Variants in ZBTB21 observed in about 807,000 individuals in gnomAD.
ZBTB21 encodes zinc finger and BTB domain-containing protein 21.
In ZBTB21, 10 loss-of-function variants were observed where a neutral mutation model predicts 39.8. That is an observed-to-expected ratio of 0.25 (90% CI 0.16 to 0.43). The LOEUF (loss-of-function observed/expected upper bound fraction) is 0.43. Ranked by LOEUF, ZBTB21 falls within the 20% of genes least tolerant of loss-of-function variation. ZBTB21 has a pLI of 1.00. For missense variants in ZBTB21, 1,221 were observed against 1,296.3 expected (o/e 0.94, Z 0.89); for synonymous variants, 551 against 498.8 (o/e 1.10, Z -1.40).
rs928870370 is a variant in ZBTB21, at chr21:41,992,232, GCTTT to G, written c.1860_1863del (p.Arg620SerfsTer2). The G allele has an allele frequency of 6.2e-7, 1 of 1,613,970 alleles. No individual in the cohort carries two copies. The highest frequency in any genetic ancestry group is 1.3e-5 in the African/African-American group (1 of 74,880). ...TCTCTCTCTCTCACTATGTCAATCA[GCTTT>G]CTTTGGAATTTTTCATCCAAAACAG... is the stretch of plus-strand genomic sequence containing the variant. On this transcript the variant is annotated frameshift_variant, in exon 3 of 3. Coordinates refer to ENST00000310826, the MANE Select transcript of ZBTB21 (RefSeq NM_001098402.2). LOFTEE classifies it high-confidence loss of function. This position sits in a 1 kb window ranked among gnomAD's most constrained non-coding sequence, Gnocchi z 4.1.
rs756188749 is a variant in ZBTB21 at position 41,992,480 on chromosome 21, C to T, written c.1616G>A (p.Gly539Glu). ...LNKDEFGELE[G>E]TRPNKKFKCK... ...TTTAAATTTTTTGTTTGGTCTCGTC[C>T]CCTCCAACTCACCAAATTCGTCTTT... Residue 539 changes from glycine (G) to glutamate (E), a missense_variant, in exon 3 of 3, where the codon GGG becomes GAG. Around this residue, in one of 4 missense-constraint regions of ZBTB21, gnomAD observed 90 missense variants for 133.1 expected, o/e 0.68. Coordinates refer to ENST00000310826, the MANE Select transcript of ZBTB21 (RefSeq NM_001098402.2). This position sits in a 1 kb window ranked among gnomAD's most constrained non-coding sequence, Gnocchi z 4.1. 6.2e-7 allele frequency: 1 copy of T among 1,614,066 alleles called. No individual in the cohort carries two copies. The highest frequency in any genetic ancestry group is 2.2e-5 in the East Asian group (1 of 44,884).
intron 2 of ZBTB21, among the ~76,000 whole-genome samples, chr21:41,999,772 A>T (rs1336762203): frequency 1.3e-5 from 2 of 152,200 alleles, no homozygotes; most frequent in Non-Finnish European, 2.9e-5. Context: ...AGGCAACAGG[A>T]GGGATGGAGC....
In ZBTB21 at chr21:41,988,390, G is replaced by C. The variant is rs545680269; in HGVS notation, c.*2505C>G. On this transcript the variant is annotated 3_prime_UTR_variant, in exon 3 of 3. Transcript: ENST00000310826. ...TACATGAATATCTTCACTAGCTAAT[G>C]AGTTGCAACAATTTAAGACCAACTT... is the stretch of plus-strand genomic sequence containing the variant. 1 of 152,262 alleles carries C rather than the reference G, an allele frequency of 6.6e-6. No individual in the cohort carries two copies. Among genetic ancestry groups the C allele is most frequent in the Admixed American group, 6.5e-5 (1 of 15,294 alleles). 9.4% of individuals were successfully genotyped at this position (152,262 alleles called of 1,614,324 possible). A position where few individuals can be genotyped will look rare whatever the true frequency, so the allele number is the denominator to read the frequency against.
Position 41,993,868 on chromosome 21 carries a change from C to G in ZBTB21, c.228G>C (p.Glu76Asp). 1 of 1,613,998 alleles carries G rather than the reference C, an allele frequency of 6.2e-7. No individual in the cohort carries two copies. The change falls in exon 3 of 3, where the codon GAG becomes GAC. Residue 76 changes from glutamate (E) to aspartate (D), a missense_variant. Glu to Asp is a conservative substitution (Grantham distance 45, BLOSUM62 2). This residue lies in a region of ZBTB21 where 108 missense variants were observed against 155.0 expected (regional missense o/e 0.70). Coordinates refer to ENST00000310826, the MANE Select transcript of ZBTB21 (RefSeq NM_001098402.2). ...TTAAAACATTATCAAAAGCATCTGG[C>G]TCACAGAAGTCAAGCTGAAATACAG... ...SQTVFQLDFC[E>D]PDAFDNVLNY...
intron 2 of ZBTB21, among the ~76,000 whole-genome samples, chr21:41,999,802 G>GT (rs2065796194): frequency 1.3e-5 from 2 of 152,224 alleles, no homozygotes; most frequent in African/African-American, 4.8e-5. Flanking sequence ...TGGGAGCCAT[G>GT]TAAGATGACA....
rs573606034 is a variant in ZBTB21, at chr21:41,990,874, T to C, written c.*21A>G. 1.3e-5 allele frequency: 19 copies of C among 1,424,712 alleles called. No homozygotes were observed. In the African/African-American group the frequency reaches 2.0e-4, roughly 15 times the overall value. The allele number at this position is 1,424,712 out of a possible 1,614,324, so 88.3% of individuals were successfully genotyped here. A position where few individuals can be genotyped will look rare whatever the true frequency, so the allele number is the denominator to read the frequency against. On this transcript the variant is annotated 3_prime_UTR_variant, in exon 3 of 3. Coordinates refer to ENST00000310826, the MANE Select transcript of ZBTB21 (RefSeq NM_001098402.2). ...GTTGAAATCTGGGGACTGCCTCCCA[T>C]AGGTAAAAAGTGTTGGTCTTTCAAT...
chr21:41,993,526 A>G lies in ZBTB21; in HGVS notation c.570T>C (p.His190=), dbSNP rs1205813303. ...IAVKANTNKP[H]VPKPIEPLHN... is the part of the protein sequence containing the mutation. ...GAAGTGGTTCTATTGGTTTTGGGACATGTGGCTTATTGGTATTGGCCTTGA... is the reference window on the plus strand; with the variant it reads ...GAAGTGGTTCTATTGGTTTTGGGACGTGTGGCTTATTGGTATTGGCCTTGA... Residue 190 remains histidine, a synonymous_variant, in exon 3 of 3, where the codon CAT becomes CAC. Coordinates refer to ENST00000310826, the MANE Select transcript of ZBTB21 (RefSeq NM_001098402.2). 1 of 1,614,232 alleles carries G rather than the reference A, an allele frequency of 6.2e-7. No individual in the cohort carries two copies. The highest frequency in any genetic ancestry group is 1.7e-5 in the Admixed American group (1 of 60,028).
intron 2 of ZBTB21, among the ~76,000 whole-genome samples, chr21:41,994,858 T>TG (rs968104603): frequency 6.6e-6 from 1 of 152,164 alleles, no homozygotes; most frequent in African/African-American, 2.4e-5. Flanking sequence ...AACTGAATCA[T>TG]GGGGGTGGGT....
At chr21:42,009,834 C>G (rs1057399423) in intron 1 of ZBTB21, among the ~76,000 whole-genome samples, 5 of 152,128 alleles carry the variant, frequency 3.3e-5, no homozygotes, top group African/African-American at 1.2e-4. Flanking sequence ...GCCCCCAACC[C>G]CTGCCCGGAA....
In ZBTB21 at chr21:41,990,054, G is replaced by A. The variant is rs891276068; in HGVS notation, c.*841C>T. On this transcript the variant is annotated 3_prime_UTR_variant, in exon 3 of 3. Coordinates refer to ENST00000310826, the MANE Select transcript of ZBTB21 (RefSeq NM_001098402.2). ...CAATTTGTGACAGCATAAATCAGAG[G>A]AAATGAAATATGTGCAGTCCTTCAA... 1.8e-4 allele frequency: 27 copies of A among 152,154 alleles called. No homozygotes were observed. The highest frequency in any genetic ancestry group is 5.2e-4 in the Admixed American group (8 of 15,274). The allele number at this position is 152,154 out of a possible 1,614,324, so 9.4% of individuals were successfully genotyped here.
chr21:41,996,697 G>A (rs540336513), intron 2 of ZBTB21, among the ~76,000 whole-genome samples: 1 of 152,252 alleles, frequency 6.6e-6, no homozygotes, highest in East Asian at 1.9e-4. Flanking sequence ...GATTTGGGAG[G>A]GGCCCAGGGT....
rs1214487555 is a variant in ZBTB21 at position 41,993,535 on chromosome 21, A to T, written c.561T>A (p.Asn187Lys). The T allele has an allele frequency of 1.2e-6, 2 of 1,614,088 alleles. No homozygotes were observed. Among genetic ancestry groups the T allele is most frequent in the Non-Finnish European group, 1.7e-6 (2 of 1,180,050 alleles). ...CTATTGGTTTTGGGACATGTGGCTT[A>T]TTGGTATTGGCCTTGACTGCAATGC... ...SPSIAVKANT[N>K]KPHVPKPIEP... Residue 187 changes from asparagine (N) to lysine (K), a missense_variant, in exon 3 of 3, where the codon AAT becomes AAA. Physicochemically the swap from Asn to Lys is moderately conservative, Grantham distance 94 (BLOSUM62 0). This residue lies in a region of ZBTB21 where 500 missense variants were observed against 465.6 expected (regional missense o/e 1.07). Coordinates refer to ENST00000310826, the MANE Select transcript of ZBTB21 (RefSeq NM_001098402.2).
At chr21:42,001,457 C>A (rs541939910) in intron 2 of ZBTB21, among the ~76,000 whole-genome samples, 1 of 152,286 alleles carries the variant, frequency 6.6e-6, no homozygotes, top group East Asian at 1.9e-4. Context: ...AGGTCTTGTG[C>A]AGGAAGAGAA....
At position 41,992,785 on chromosome 21, in the gene ZBTB21, C is replaced by A; in HGVS notation, c.1311G>T (p.Leu437=). The A allele has an allele frequency of 6.2e-7, 1 of 1,614,134 alleles. No individual in the cohort carries two copies. The highest frequency in any genetic ancestry group is 8.5e-7 in the Non-Finnish European group (1 of 1,180,038). The change falls in exon 3 of 3, where the codon CTG becomes CTT. Residue 437 remains leucine (L), a synonymous_variant. Coordinates refer to ENST00000310826, the MANE Select transcript of ZBTB21 (RefSeq NM_001098402.2). This position sits in a 1 kb window ranked among gnomAD's most constrained non-coding sequence, Gnocchi z 4.1. ...CGCGGATGATGTCCGAGGGGTCCGA[C>A]AGCGGGCTGCTGGGCTCAGTCTTTA... ...VRIKTEPSSP[L]SDPSDIIRVT... is the part of the protein sequence containing the mutation.
rs1004653143 is a variant in ZBTB21, at chr21:42,010,256, C to G, written c.-83G>C. 2.5e-6 allele frequency: 1 copy of G among 398,316 alleles called. No homozygotes were observed. The highest frequency in any genetic ancestry group is 1.3e-4 in the South Asian group (1 of 7,840). The allele number at this position is 398,316 out of a possible 1,614,324, so 24.7% of individuals were successfully genotyped here. ...AGGGGCGTGACAGTTACTCACCGGT[C>G]TTCAGTCTCGAGGCAGACGCCGGGC... On this transcript the variant is annotated 5_prime_UTR_variant, in exon 1 of 3. Transcript: ENST00000310826.
chr21:41,987,879 A>C lies in ZBTB21; in HGVS notation c.*3016T>G, dbSNP rs1204742349. 2 of 151,954 alleles carry C rather than the reference A, an allele frequency of 1.3e-5. No individual in the cohort carries two copies. Among genetic ancestry groups the C allele is most frequent in the Non-Finnish European group, 2.9e-5 (2 of 67,982 alleles). The allele number at this position is 151,954 out of a possible 1,614,324, so 9.4% of individuals were successfully genotyped here. On this transcript the variant is annotated 3_prime_UTR_variant, in exon 3 of 3. Coordinates refer to ENST00000310826, the MANE Select transcript of ZBTB21 (RefSeq NM_001098402.2). ...ATTTTATTCCTGTTTCACAGCAGCT[A>C]CTCTCATTAGCACCAATGGGACTAC...
Position 41,988,327 on chromosome 21 carries a change from C to T in ZBTB21, c.*2568G>A, listed in dbSNP as rs2065605284. The T allele has an allele frequency of 6.6e-6, 1 of 152,188 alleles. No individual in the cohort carries two copies. Among genetic ancestry groups the T allele is most frequent in the Non-Finnish European group, 1.5e-5 (1 of 68,026 alleles). 9.4% of individuals were successfully genotyped at this position (152,188 alleles called of 1,614,324 possible). On this transcript the variant is annotated 3_prime_UTR_variant, in exon 3 of 3. Coordinates refer to ENST00000310826, the MANE Select transcript of ZBTB21 (RefSeq NM_001098402.2). ...ATACTTACATGGAATAAAGAGCTTT[C>T]TACATTTTCAAAATTAATTACAATC...
intron 2 of ZBTB21, among the ~76,000 whole-genome samples, chr21:41,998,110 C>A (rs1384882626): frequency 3.3e-5 from 5 of 152,088 alleles, no homozygotes; most frequent in African/African-American, 1.2e-4. Context: ...CAGACAAAGC[C>A]ATTTCATGCA....
chr21:42,008,774 G>A (rs945227171), intron 1 of ZBTB21, among the ~76,000 whole-genome samples: 1 of 152,008 alleles, frequency 6.6e-6, no homozygotes, highest in East Asian at 1.9e-4. Context: ...TTTCAATAAA[G>A]TGTTAAAAAG....
Sources: allele counts gnomAD v4.1 joint callset (sites outside exome capture counted in the v4.1 genomes callset), GRCh38; gene constraint gnomAD v4.1.1; regional missense constraint gnomAD v4.1.1; non-coding constraint Gnocchi (gnomAD v3.1); transcripts MANE v1.5; gene names NCBI Gene and HGNC (gene_info 2026-07-23, HGNC 2026-07-21).